Variants in VWA3B observed in about 807,000 individuals in gnomAD.
VWA3B encodes the protein von Willebrand factor A domain containing 3B, also known as von Willebrand factor A domain-containing protein 3B.
A neutral mutation model predicts 158.3 loss-of-function variants in VWA3B; 138 were observed. The ratio of observed to expected loss-of-function variants is 0.87; its 90% CI spans 0.76 to 1.00. The LOEUF is 1.00. Ranked by LOEUF, VWA3B falls within the 50% of genes least tolerant of loss-of-function variation. The probability of loss-of-function intolerance (pLI) is 0.00; values close to 1 mark genes in which losing one functional copy is unlikely to be tolerated. For synonymous variants in VWA3B, 596 were observed against 587.3 expected (o/e 1.01, Z -0.21); for missense variants, 1,555 against 1,565.1 (o/e 0.99, Z 0.11).
At chr2:98,194,734 C>G (rs1365848436) in intron 12 of VWA3B, among the ~76,000 whole-genome samples, 1 of 152,182 alleles carries the variant, frequency 6.6e-6, no homozygotes, top group Non-Finnish European at 1.5e-5. Context: ...CCAGCTCTGC[C>G]CTTGGCTCAG....
At chr2:98,142,572 C>T (rs868481286) in intron 7 of VWA3B, among the ~76,000 whole-genome samples, 1 of 152,138 alleles carries the variant, frequency 6.6e-6, no homozygotes, top group Non-Finnish European at 1.5e-5. Flanking sequence ...GGTATCTGCT[C>T]AAGTGTGGAG....
At chr2:98,253,608 G>T (rs1455810541) in intron 20 of VWA3B, among the ~76,000 whole-genome samples, 1 of 152,102 alleles carries the variant, frequency 6.6e-6, no homozygotes, top group African/African-American at 2.4e-5. Flanking sequence ...AGCCTGGCTT[G>T]GGGACCATGC....
At chr2:98,252,910 G>T (rs1686891005) in intron 20 of VWA3B, among the ~76,000 whole-genome samples, 1 of 151,998 alleles carries the variant, frequency 6.6e-6, no homozygotes. Context: ...TCACTATATT[G>T]TTATTAATTA....
intron 22 of VWA3B, among the ~76,000 whole-genome samples, chr2:98,282,212 C>G (rs574828201): frequency 1.3e-5 from 2 of 152,204 alleles, no homozygotes; most frequent in East Asian, 3.9e-4. Flanking sequence ...TCCTGGGAAG[C>G]CTATGTTCTG....
chr2:98,093,695 C>A (rs1206147445), intron 2 of VWA3B, among the ~76,000 whole-genome samples: 1 of 152,116 alleles, frequency 6.6e-6, no homozygotes, highest in East Asian at 1.9e-4. Context: ...AGAATGCAAT[C>A]CATCATCATT....
intron 7 of VWA3B, among the ~76,000 whole-genome samples, chr2:98,135,987 G>C (rs1240701565): frequency 6.6e-6 from 1 of 152,072 alleles, no homozygotes; most frequent in Non-Finnish European, 1.5e-5. Context: ...TTTGGTGGGG[G>C]AGTGACTTCT....
At chr2:98,244,988 A>G (rs1012912168) in intron 19 of VWA3B, among the ~76,000 whole-genome samples, 2 of 152,010 alleles carry the variant, frequency 1.3e-5, no homozygotes, top group Non-Finnish European at 2.9e-5. Context: ...TGCACCCTCC[A>G]TCCCCATCTC....
At chr2:98,250,494 A>T in intron 20 of VWA3B, 58 bp downstream of exon 20, 1 of 1,285,886 alleles carries the variant, frequency 7.8e-7, no homozygotes, top group Non-Finnish European at 1.1e-6. Flanking sequence ...ATGGAGAAGG[A>T]GACTTCTCTT....
At chr2:98,100,542 C>G (rs908479743) in intron 2 of VWA3B, among the ~76,000 whole-genome samples, 1 of 152,238 alleles carries the variant, frequency 6.6e-6, no homozygotes, top group Non-Finnish European at 1.5e-5. Flanking sequence ...CCCATGGTCA[C>G]TGTAGTCAGC....
chr2:98,093,012 G>C, intron 1 of VWA3B, 49 bp from the exon 2 acceptor site: 1 of 1,396,662 alleles, frequency 7.2e-7, no homozygotes, highest in Non-Finnish European at 9.8e-7. Flanking sequence ...GTTGACGTTA[G>C]ATGATTTCCA....
chr2:98,161,481 C>A (rs1408080437), intron 7 of VWA3B, among the ~76,000 whole-genome samples: 1 of 152,166 alleles, frequency 6.6e-6, no homozygotes, highest in African/African-American at 2.4e-5. Context: ...TGCTGCTTGG[C>A]ACTAAGGACA....
intron 8 of VWA3B, among the ~76,000 whole-genome samples, chr2:98,163,294 C>T (rs1456949079): frequency 2.0e-5 from 3 of 152,174 alleles, no homozygotes; most frequent in Non-Finnish European, 4.4e-5. Flanking sequence ...TACCCCAGCA[C>T]TTTGGGAGGC....
intron 12 of VWA3B, among the ~76,000 whole-genome samples, chr2:98,201,468 G>A (rs1206740387): frequency 2.0e-5 from 3 of 152,130 alleles, no homozygotes; most frequent in African/African-American, 7.2e-5. Flanking sequence ...CCCGTATAGT[G>A]TTTATTTCTT....
At chr2:98,246,905 T>G (rs544025969) in intron 19 of VWA3B, among the ~76,000 whole-genome samples, 40 of 152,292 alleles carry the variant, frequency 2.6e-4, no homozygotes, top group African/African-American at 9.4e-4. Context: ...TTTTTTAACC[T>G]CTTATTTTTT....
chr2:98,136,224 A>G (rs1024689514), intron 7 of VWA3B, among the ~76,000 whole-genome samples: 1 of 152,230 alleles, frequency 6.6e-6, no homozygotes, highest in Non-Finnish European at 1.5e-5. Context: ...TTAAAAAATT[A>G]TAGTAAATTA....
In VWA3B at chr2:98,128,164, T is replaced by C. The variant is rs1178812860; in HGVS notation, c.703-75T>C. 147 of 1,507,182 alleles carry C rather than the reference T, an allele frequency of 9.8e-5. No homozygotes were observed. In the South Asian group the frequency reaches 1.8e-3, roughly 19 times the overall value. 93.4% of individuals were successfully genotyped at this position (1,507,182 alleles called of 1,614,324 possible). On this transcript the variant is annotated intron_variant, in intron 5 of 27. Transcript: ENST00000477737. ...TTTTCTAAGAGATCGTTTTGTAGAA[T>C]GGGTATTACTGATGAGACTAGTACC...
chr2:98,224,281 A>G (rs1483755266), intron 14 of VWA3B, among the ~76,000 whole-genome samples: 1 of 152,172 alleles, frequency 6.6e-6, no homozygotes, highest in Non-Finnish European at 1.5e-5. Context: ...AAGAAGAAAG[A>G]GCAGAAATAT....
In VWA3B at chr2:98,128,349, C is replaced by G. The variant is rs772293943; in HGVS notation, c.813C>G (p.Asn271Lys). 1.2e-6 allele frequency: 2 copies of G among 1,614,072 alleles called. No individual in the cohort carries two copies. The highest frequency in any genetic ancestry group is 2.7e-5 in the African/African-American group (2 of 75,016). ...GTCCAGTCTACACAGTGTCCTTCAACGCCAGAGGAGAAGGCACTATAGCTT... is the reference window on the plus strand; with the variant it reads ...GTCCAGTCTACACAGTGTCCTTCAAGGCCAGAGGAGAAGGCACTATAGCTT... The part of the protein sequence containing the change: ...IPCPVYTVSF[N>K]ARGEGTIAFL... The change falls in exon 6 of 28, where the codon AAC (asparagine) becomes AAG (lysine). Residue 271 changes from asparagine (N) to lysine (K), a missense_variant. Physicochemically the swap from Asn to Lys is moderately conservative, Grantham distance 94. Coordinates refer to ENST00000477737, the MANE Select transcript of VWA3B (RefSeq NM_144992.5).
chr2:98,194,621 CT>C (rs1173500064), intron 12 of VWA3B, 129 bp downstream of exon 12: 1 of 1,135,142 alleles, frequency 8.8e-7, no homozygotes, highest in Non-Finnish European at 1.2e-6. Flanking sequence ...AACATGTAGA[CT>C]TTTGTTTTGC....
Sources: allele counts gnomAD v4.1 joint callset (sites outside exome capture counted in the v4.1 genomes callset), GRCh38; gene constraint gnomAD v4.1.1; transcripts MANE v1.5; gene names NCBI Gene and HGNC (gene_info 2026-07-23, HGNC 2026-07-21).